Variants in TCF4 observed in about 807,000 individuals in gnomAD.
TCF4 encodes the protein SL3-3 enhancer factor 2.
TCF4 carries 3 observed loss-of-function variants against 82.1 expected under a neutral mutation model. That is an observed-to-expected ratio of 0.04 (90% CI 0.02 to 0.09). TCF4 has a LOEUF of 0.09. TCF4 is among the 10% of genes least tolerant of loss of function. The pLI is 1.00. For missense variants in TCF4, 518 were observed against 852.7 expected (o/e 0.61, Z 4.89); for synonymous variants, 276 against 309.6 (o/e 0.89, Z 1.14).
chr18:55,511,330 T>TAAAAAAA (rs751932079), intron 3 of TCF4, among the ~76,000 whole-genome samples: 3 of 73,072 alleles, frequency 4.1e-5, no homozygotes, highest in Non-Finnish European at 6.6e-5. Context: ...TTCCAAAAGT[T>TAAAAAAA]TAAAAAAAAA....
At chr18:55,235,240 G>A (rs2049035178) in intron 15 of TCF4, among the ~76,000 whole-genome samples, 1 of 152,000 alleles carries the variant, frequency 6.6e-6, no homozygotes, top group South Asian at 2.1e-4. Flanking sequence ...AATGTCACCT[G>A]GCTTTCCAAA....
intron 3 of TCF4, among the ~76,000 whole-genome samples, chr18:55,464,744 A>G (rs545718656): frequency 1.1e-4 from 16 of 152,234 alleles, no homozygotes; most frequent in Admixed American, 2.0e-4. Flanking sequence ...TAAACTAGAC[A>G]TACCATTTGG....
intron 8 of TCF4, among the ~76,000 whole-genome samples, chr18:55,320,407 C>T (rs749320318): frequency 1.1e-4 from 17 of 152,070 alleles, no homozygotes; most frequent in Non-Finnish European, 2.1e-4. Flanking sequence ...TAAAAGTAAA[C>T]GATATTATTT....
At chr18:55,522,591 A>T (rs1245691383) in intron 3 of TCF4, among the ~76,000 whole-genome samples, 1 of 152,136 alleles carries the variant, frequency 6.6e-6, no homozygotes, top group Non-Finnish European at 1.5e-5. Context: ...TAACAAAATT[A>T]AAATTTGCAT....
chr18:55,243,276 A>G (rs1427917837), intron 15 of TCF4, among the ~76,000 whole-genome samples: 6 of 152,218 alleles, frequency 3.9e-5, no homozygotes, highest in African/African-American at 1.2e-4. Context: ...TTGTCAGACT[A>G]CATATTTCTG....
chr18:55,568,166 GAA>G (rs202124716), intron 3 of TCF4, among the ~76,000 whole-genome samples: 20 of 107,954 alleles, frequency 1.9e-4, no homozygotes, highest in African/African-American at 5.4e-4. Flanking sequence ...ACTCTATTTA[GAA>G]AAAAAAAAAA....
chr18:55,305,733 C>T (rs1019805787), intron 8 of TCF4, among the ~76,000 whole-genome samples: 74 of 152,216 alleles, frequency 4.9e-4, no homozygotes, highest in African/African-American at 1.7e-3. Flanking sequence ...TTTTCAGCTC[C>T]CCTAATTCTC....
At chr18:55,315,581 C>G (rs1387152533) in intron 8 of TCF4, among the ~76,000 whole-genome samples, 1 of 152,118 alleles carries the variant, frequency 6.6e-6, no homozygotes, top group African/African-American at 2.4e-5. Flanking sequence ...TCTCAAACCA[C>G]TTTCAAGCTC....
chr18:55,315,748 T>C (rs1328104475), intron 8 of TCF4, among the ~76,000 whole-genome samples: 2 of 152,142 alleles, frequency 1.3e-5, no homozygotes, highest in Non-Finnish European at 2.9e-5. Flanking sequence ...CTATGGACAT[T>C]TTCTGAAAAT....
At chr18:55,507,771 T>C (rs1318751200) in intron 3 of TCF4, among the ~76,000 whole-genome samples, 1 of 152,118 alleles carries the variant, frequency 6.6e-6, no homozygotes, top group Non-Finnish European at 1.5e-5. Context: ...GGGGAGAAGA[T>C]TTCTGGGTGT....
At chr18:55,479,600 T>C (rs1201759084) in intron 3 of TCF4, among the ~76,000 whole-genome samples, 1 of 152,136 alleles carries the variant, frequency 6.6e-6, no homozygotes, top group East Asian at 1.9e-4. Flanking sequence ...TCCCATGTAA[T>C]CGTCTATGCA....
chr18:55,350,301 A>G (rs773532971), intron 8 of TCF4, 58 bp downstream of exon 8: 122 of 1,553,246 alleles, frequency 7.9e-5, no homozygotes, highest in Non-Finnish European at 1.1e-4. Context: ...TCTCCTTCCC[A>G]TCAATACAAA....
rs1261071 is a variant in TCF4 at position 55,238,545 on chromosome 18, G to A, written c.1351-3862C>T. ...ATTTTTGTATGCTGATCAATTTAGT[G>A]GGGTAGTTTTAATAGTAAGGAAGAG... On this transcript the variant is annotated intron_variant, in intron 15 of 19. Coordinates refer to ENST00000354452, the MANE Select transcript of TCF4 (RefSeq NM_001083962.2). Among the ~76,000 whole-genome samples, 230 of 152,232 alleles carry A rather than the reference G, an allele frequency of 1.5e-3. 1 individual carries two copies. The highest frequency in any genetic ancestry group is 5.3e-3 in the African/African-American group (221 of 41,532).
intron 8 of TCF4, among the ~76,000 whole-genome samples, chr18:55,330,318 T>C (rs1281433136): frequency 1.3e-5 from 2 of 150,376 alleles, no homozygotes; most frequent in African/African-American, 4.9e-5. Context: ...TAGCTAGGAG[T>C]ACAGGTGTGT....
intron 12 of TCF4, 101 bp from the exon 13 acceptor site, chr18:55,260,128 A>ATGT: frequency 1.2e-6 from 1 of 846,452 alleles, no homozygotes; most frequent in Non-Finnish European, 2.0e-6. Flanking sequence ...TAGAACTTAC[A>ATGT]AGTTACAGCA....
At chr18:55,398,246 A>AGCCGCTGCCCGAAAAAT (rs1175352940) in intron 6 of TCF4, among the ~76,000 whole-genome samples, 1 of 152,200 alleles carries the variant, frequency 6.6e-6, no homozygotes, top group East Asian at 1.9e-4. Flanking sequence ...AAAATGAATA[A>AGCCGCTGCCCGAAAAAT]GCCGCTGCCC....
chr18:55,470,492 C>T (rs1394010464), intron 3 of TCF4, among the ~76,000 whole-genome samples: 1 of 152,160 alleles, frequency 6.6e-6, no homozygotes, highest in African/African-American at 2.4e-5. Flanking sequence ...CTCTTTATAT[C>T]TCAGTGTACT....
At chr18:55,360,852 C>T (rs529365354) in intron 6 of TCF4, among the ~76,000 whole-genome samples, 6 of 151,396 alleles carry the variant, frequency 4.0e-5, no homozygotes, top group South Asian at 2.1e-4. Flanking sequence ...CTCAGCCTCC[C>T]GAGTAGCTGG....
chr18:55,248,031 A>G (rs1209197318), intron 15 of TCF4, among the ~76,000 whole-genome samples: 1 of 152,224 alleles, frequency 6.6e-6, no homozygotes, highest in Non-Finnish European at 1.5e-5. Context: ...ATTTCAGTAG[A>G]GATAATCTCT....
Sources: gnomAD v4.1 joint callset for allele counts (sites outside exome capture counted in the v4.1 genomes callset) on GRCh38, gnomAD v4.1.1 for gene constraint, MANE v1.5 for transcripts, NCBI Gene and HGNC (gene_info 2026-07-23, HGNC 2026-07-21) for gene names.